Variants in ATRN observed in about 807,000 individuals in gnomAD.
The protein encoded by ATRN is attractin.
ATRN carries 54 observed loss-of-function variants against 178.7 expected under a neutral mutation model. The ratio of observed to expected loss-of-function variants is 0.30; its 90% CI spans 0.24 to 0.38. ATRN has a LOEUF of 0.38. ATRN is among the 10% of genes least tolerant of loss of function. The pLI is 1.00. For synonymous variants in ATRN, 636 were observed against 663.0 expected (o/e 0.96, Z 0.63); for missense variants, 1,443 against 1,815.1 (o/e 0.79, Z 3.73).
In ATRN at chr20:3,560,835, G is replaced by A; in HGVS notation, c.1377G>A (p.Val459=). The change falls in exon 8 of 29, where the codon GTG becomes GTA. Residue 459 remains valine, a synonymous_variant. Coordinates refer to ENST00000262919, the MANE Select transcript of ATRN (RefSeq NM_139321.3). ...AHIVTLKNGR[V]VMLVIFGHCP... ...TTGTTACACTGAAGAATGGCCGAGT[G>A]GTCATGCTGGTCATCTTTGGTCACT... The A allele has an allele frequency of 6.2e-7, 1 of 1,614,076 alleles. No individual in the cohort carries two copies. Among genetic ancestry groups the A allele is most frequent in the South Asian group, 1.1e-5 (1 of 91,080 alleles).
rs561657356 is a variant in ATRN at position 3,602,734 on chromosome 20, C to T, written c.3644-1371C>T. ...ATCCTAGCACTTTGGGAGGCTGGGGCAGGTGGATTACCTGAGGTCAGGAGT... is the reference window on the plus strand; with the variant it reads ...ATCCTAGCACTTTGGGAGGCTGGGGTAGGTGGATTACCTGAGGTCAGGAGT... On this transcript the variant is annotated intron_variant, in intron 23 of 28. Coordinates refer to ENST00000262919, the MANE Select transcript of ATRN (RefSeq NM_139321.3). 1.2e-4 allele frequency among the ~76,000 whole-genome samples: 18 copies of T among 152,024 alleles called. No homozygotes were observed. In the South Asian group the frequency reaches 3.8e-3, roughly 32 times the overall value.
Position 3,573,136 on chromosome 20 carries a change from GCCATGTGGCTC to G in ATRN, c.2092+187_2092+197del, listed in dbSNP as rs1568738266. On this transcript the variant is annotated intron_variant, in intron 12 of 28. Coordinates refer to ENST00000262919, the MANE Select transcript of ATRN (RefSeq NM_139321.3). ...TTGTAAACATCTCGGATGGGAACAT[GCCATGTGGCTC>G]CTAGAAGCTGTCTGCGAGTGATAGA... Among the ~76,000 whole-genome samples, 11 of 152,284 alleles carry G rather than the reference GCCATGTGGCTC, an allele frequency of 7.2e-5. No homozygotes were observed. In the South Asian group the frequency reaches 1.7e-3, roughly 23 times the overall value.
intron 11 of ATRN, among the ~76,000 whole-genome samples, chr20:3,566,360 C>T (rs932650394): frequency 6.6e-6 from 1 of 152,178 alleles, no homozygotes; most frequent in African/African-American, 2.4e-5. Context: ...AGAGTGGCCA[C>T]TCTACTTGTT....
intron 24 of ATRN, among the ~76,000 whole-genome samples, chr20:3,617,575 T>C (rs1313975316): frequency 6.6e-6 from 1 of 152,004 alleles, no homozygotes; most frequent in African/African-American, 2.4e-5. Context: ...TCCCAGCACT[T>C]TGAGAGCCTG....
chr20:3,471,353 G>T lies in ATRN; in HGVS notation c.246G>T (p.Glu82Asp). 6.7e-7 allele frequency: 1 copy of T among 1,485,974 alleles called. No homozygotes were observed. Among genetic ancestry groups the T allele is most frequent in the South Asian group, 1.3e-5 (1 of 77,950 alleles). The allele number at this position is 1,485,974 out of a possible 1,614,324, so 92.0% of individuals were successfully genotyped here. A position where few individuals can be genotyped will look rare whatever the true frequency, so the allele number is the denominator to read the frequency against. Residue 82 changes from glutamate to aspartate, a missense_variant, in exon 1 of 29, where the codon GAG (glutamate) becomes GAT (aspartate). By Grantham distance (45) the Glu-to-Asp change is conservative. This residue lies in a region of ATRN where 862 missense variants were observed against 972.1 expected (regional missense o/e 0.89). Coordinates refer to ENST00000262919, the MANE Select transcript of ATRN (RefSeq NM_139321.3). ...LLLLLLPCEA[E>D]AAAAAAAVSG... ...TGCTGCTGCTGCCCTGTGAGGCCGA[G>T]GCCGCGGCGGCGGCGGCGGCGGTGT...
intron 6 of ATRN, among the ~76,000 whole-genome samples, chr20:3,555,086 C>T (rs1002532742): frequency 6.7e-6 from 1 of 150,044 alleles, no homozygotes; most frequent in African/African-American, 2.5e-5. Flanking sequence ...CTGCAGGCTC[C>T]GCCCCCTGGG....
intron 24 of ATRN, among the ~76,000 whole-genome samples, chr20:3,610,859 G>A (rs1479803099): frequency 6.9e-6 from 1 of 145,838 alleles, no homozygotes; most frequent in African/African-American, 2.6e-5. Context: ...GTCTCCCAAA[G>A]TGCTAAGATT....
chr20:3,613,634 G>A (rs1018101786), intron 24 of ATRN, among the ~76,000 whole-genome samples: 9 of 151,968 alleles, frequency 5.9e-5, no homozygotes, highest in South Asian at 2.1e-4. Flanking sequence ...ATTTCAGTAT[G>A]GCTTTCGATG....
chr20:3,573,061 TTA>T, intron 12 of ATRN, 110 bp downstream of exon 12: 2 of 961,238 alleles, frequency 2.1e-6, no homozygotes, highest in South Asian at 3.3e-5. Flanking sequence ...TTATCCAAAA[TTA>T]TTCAGTAATA....
intron 14 of ATRN, among the ~76,000 whole-genome samples, chr20:3,578,227 A>G (rs550594402): frequency 2.0e-5 from 3 of 152,262 alleles, no homozygotes; most frequent in Non-Finnish European, 4.4e-5. Context: ...CAGCCCTCCA[A>G]TATGCATATT....
chr20:3,610,742 CT>C (rs71195847), intron 24 of ATRN, among the ~76,000 whole-genome samples: 2,307 of 65,310 alleles, frequency 0.035, 12 homozygotes, highest in Non-Finnish European at 0.048. Context: ...CTGGCTAATT[CT>C]TTTTTTTTTT....
intron 14 of ATRN, among the ~76,000 whole-genome samples, chr20:3,578,005 G>A (rs2086234395): frequency 6.6e-6 from 1 of 152,160 alleles, no homozygotes; most frequent in Non-Finnish European, 1.5e-5. Context: ...TGTGGGTTCA[G>A]GATGATCACA....
chr20:3,628,031 G>A (rs1445260041), intron 25 of ATRN, among the ~76,000 whole-genome samples: 3 of 152,152 alleles, frequency 2.0e-5, no homozygotes, highest in African/African-American at 7.2e-5. Context: ...AATTAGCCAG[G>A]CGCGGTGGTG....
At position 3,647,343 on chromosome 20, in the gene ATRN, G is replaced by C. The variant is rs1036109982; in HGVS notation, c.*496G>C. 2.6e-5 allele frequency: 4 copies of C among 152,856 alleles called. No individual in the cohort carries two copies. Among genetic ancestry groups the C allele is most frequent in the African/African-American group, 9.7e-5 (4 of 41,384 alleles). The allele number at this position is 152,856 out of a possible 1,614,324, so 9.5% of individuals were successfully genotyped here. A position where few individuals can be genotyped will look rare whatever the true frequency, so the allele number is the denominator to read the frequency against. On this transcript the variant is annotated 3_prime_UTR_variant, in exon 29 of 29. Coordinates refer to ENST00000262919, the MANE Select transcript of ATRN (RefSeq NM_139321.3). ...TGCTATTTATTCTTGCACGATTTAG[G>C]CAATTATCTCTCTTCCAGGGAGTAC...
At chr20:3,624,095 T>C (rs1194850349) in intron 24 of ATRN, among the ~76,000 whole-genome samples, 3 of 152,198 alleles carry the variant, frequency 2.0e-5, no homozygotes, top group African/African-American at 7.2e-5. Flanking sequence ...ACTGAGTACA[T>C]AAATGTTGAC....
intron 6 of ATRN, among the ~76,000 whole-genome samples, chr20:3,550,298 A>C (rs533722815): frequency 6.6e-6 from 1 of 152,260 alleles, no homozygotes; most frequent in East Asian, 1.9e-4. Flanking sequence ...GTGAAGCCTT[A>C]TTTCTGGGCT....
At chr20:3,474,580 A>G (rs193224083) in intron 1 of ATRN, among the ~76,000 whole-genome samples, 6,014 of 150,818 alleles carry the variant, frequency 0.04, 161 homozygotes, top group Non-Finnish European at 0.057. Context: ...GGTGGCGGGC[A>G]CCTGTAGTCC....
rs573562124 is a variant in ATRN at position 3,650,884 on chromosome 20, T to G, written c.*4037T>G. ...AGCATCTATTACACTCATGTAAATA[T>G]GGAGTAAGTATTGTAAACTATTTCA... On this transcript the variant is annotated 3_prime_UTR_variant, in exon 29 of 29. Transcript: ENST00000262919. 6.5e-6 allele frequency: 1 copy of G among 152,684 alleles called. No homozygotes were observed. Among genetic ancestry groups the G allele is most frequent in the African/African-American group, 2.4e-5 (1 of 41,460 alleles). 9.5% of individuals were successfully genotyped at this position (152,684 alleles called of 1,614,324 possible). A position where few individuals can be genotyped will look rare whatever the true frequency, so the allele number is the denominator to read the frequency against.
intron 1 of ATRN, among the ~76,000 whole-genome samples, chr20:3,480,215 C>T (rs1404281075): frequency 6.6e-6 from 1 of 152,122 alleles, no homozygotes; most frequent in Non-Finnish European, 1.5e-5. Context: ...AGTTTCTGGC[C>T]GTGCTGATTG....
Sources: gnomAD v4.1 joint callset for allele counts (sites outside exome capture counted in the v4.1 genomes callset) on GRCh38, gnomAD v4.1.1 for gene constraint, gnomAD v4.1.1 regional missense constraint, MANE v1.5 for transcripts, NCBI Gene and HGNC (gene_info 2026-07-23, HGNC 2026-07-21) for gene names.